Variants in GTF2F2 observed in about 807,000 individuals in gnomAD.
GTF2F2 encodes general transcription factor IIF subunit 2, also known as ATP-dependent helicase GTF2F2.
A neutral mutation model predicts 42.2 loss-of-function variants in GTF2F2; 23 were observed. The observed-to-expected ratio is 0.55, with a 90% CI of 0.39 to 0.77. The LOEUF is 0.77. Ranked by LOEUF, GTF2F2 falls within the 30% of genes least tolerant of loss-of-function variation. The pLI, the probability that GTF2F2 is intolerant of heterozygous loss-of-function variation, is 0.00. For synonymous variants in GTF2F2, 105 were observed against 100.8 expected, an observed-to-expected ratio of 1.04 and a Z score of -0.25; for missense variants, 261 against 287.2, an observed-to-expected ratio of 0.91 and a Z score of 0.66.
chr13:45,282,561 A>G (rs1282001678), intron 7 of GTF2F2, among the ~76,000 whole-genome samples: 6 of 152,124 alleles, frequency 3.9e-5, no homozygotes, highest in Admixed American at 6.6e-5. Context: ...CTAGAGTGCA[A>G]TGGCACAGTC....
intron 6 of GTF2F2, among the ~76,000 whole-genome samples, chr13:45,255,279 A>G (rs897025151): frequency 6.6e-6 from 1 of 152,064 alleles, no homozygotes; most frequent in Non-Finnish European, 1.5e-5. Flanking sequence ...GTTATTTTAT[A>G]TGAAAGTAGC....
chr13:45,150,629 G>A (rs1230995776), intron 3 of GTF2F2, among the ~76,000 whole-genome samples: 1 of 141,874 alleles, frequency 7.0e-6, no homozygotes. Flanking sequence ...CTTGACCTCA[G>A]ACCTCAGAGA....
chr13:45,161,202 G>T (rs1330663998), intron 4 of GTF2F2, among the ~76,000 whole-genome samples: 3 of 152,138 alleles, frequency 2.0e-5, no homozygotes, highest in Non-Finnish European at 4.4e-5. Flanking sequence ...GCCTCAATTT[G>T]TGGTGGTACC....
chr13:45,264,532 A>T (rs551635149), intron 6 of GTF2F2, among the ~76,000 whole-genome samples: 1 of 152,184 alleles, frequency 6.6e-6, no homozygotes, highest in African/African-American at 2.4e-5. Flanking sequence ...GTCCTCCCAA[A>T]GTTGCTGGGA....
chr13:45,280,553 C>T (rs1406696672), intron 7 of GTF2F2, among the ~76,000 whole-genome samples: 1 of 152,062 alleles, frequency 6.6e-6, no homozygotes, highest in African/African-American at 2.4e-5. Flanking sequence ...ACATTGTGAC[C>T]CTGATTGCAT....
intron 5 of GTF2F2, among the ~76,000 whole-genome samples, chr13:45,214,653 T>A (rs1003610065): frequency 2.0e-5 from 3 of 152,184 alleles, no homozygotes; most frequent in African/African-American, 7.2e-5. Context: ...TTGGTAAATA[T>A]AAATATACTT....
chr13:45,259,458 T>C (rs1018501193), intron 6 of GTF2F2, among the ~76,000 whole-genome samples: 24 of 151,768 alleles, frequency 1.6e-4, no homozygotes, highest in African/African-American at 4.8e-4. Context: ...AAAAATACCC[T>C]CAGAAACTGA....
chr13:45,150,798 C>T (rs1268281828), intron 3 of GTF2F2, among the ~76,000 whole-genome samples: 1 of 151,662 alleles, frequency 6.6e-6, no homozygotes, highest in Non-Finnish European at 1.5e-5. Flanking sequence ...CCCACCTCGG[C>T]CTCTCAAGGT....
rs114553403 is a variant in GTF2F2 at position 45,124,145 on chromosome 13, C to T, written c.66+3424C>T. ...GCCAGCCCCAGCATCTAAGGTGGCG[C>T]GATCTCGGCTCACTGCAAGCTCCAC... On this transcript the variant is annotated intron_variant, in intron 1 of 7. Coordinates refer to ENST00000340473, the MANE Select transcript of GTF2F2 (RefSeq NM_004128.3). 6.6e-3 allele frequency: 4,024 copies of T among 608,636 alleles called. 83 individuals are homozygous for T. Among genetic ancestry groups the T allele is most frequent in the African/African-American group, 0.037 (2,050 of 55,166 alleles). 37.7% of individuals were successfully genotyped at this position (608,636 alleles called of 1,614,324 possible). A position where few individuals can be genotyped will look rare whatever the true frequency, so the allele number is the denominator to read the frequency against.
intron 2 of GTF2F2, among the ~76,000 whole-genome samples, chr13:45,142,104 A>G (rs922944958): frequency 2.6e-5 from 4 of 152,234 alleles, no homozygotes; most frequent in African/African-American, 9.7e-5. Context: ...AAACCTCAGT[A>G]GAAGTGAGTT....
intron 4 of GTF2F2, chr13:45,194,760 G>C: frequency 1.7e-6 from 1 of 585,778 alleles, no homozygotes. Flanking sequence ...GCTTTCTGGA[G>C]TAAGACGGAA....
At chr13:45,124,553 T>C (rs1325312015) in intron 1 of GTF2F2, among the ~76,000 whole-genome samples, 1 of 151,758 alleles carries the variant, frequency 6.6e-6, no homozygotes, top group Non-Finnish European at 1.5e-5. Context: ...AGATGGGGTT[T>C]ATTTTGTTTG....
At chr13:45,216,474 G>A (rs1027533516) in intron 5 of GTF2F2, among the ~76,000 whole-genome samples, 2 of 151,948 alleles carry the variant, frequency 1.3e-5, no homozygotes, top group Admixed American at 6.6e-5. Flanking sequence ...TTTTTAATAT[G>A]TGGGGCTGTA....
At chr13:45,122,090 C>CA (rs1868670490) in intron 1 of GTF2F2, among the ~76,000 whole-genome samples, 1 of 152,110 alleles carries the variant, frequency 6.6e-6, no homozygotes, top group African/African-American at 2.4e-5. Flanking sequence ...ATATAATCAG[C>CA]ATGGCGTGTT....
intron 5 of GTF2F2, among the ~76,000 whole-genome samples, chr13:45,211,631 A>T (rs1873647741): frequency 6.7e-6 from 1 of 148,206 alleles, no homozygotes; most frequent in Non-Finnish European, 1.5e-5. Flanking sequence ...CTCGTTGCCC[A>T]GGCTAGAGTG....
intron 5 of GTF2F2, among the ~76,000 whole-genome samples, chr13:45,225,221 G>A (rs1407133138): frequency 1.3e-5 from 2 of 152,092 alleles, no homozygotes; most frequent in Non-Finnish European, 2.9e-5. Context: ...TTAACAAGGA[G>A]GTACAACTTT....
At chr13:45,128,568 G>A (rs533251400) in intron 1 of GTF2F2, among the ~76,000 whole-genome samples, 9 of 150,806 alleles carry the variant, frequency 6.0e-5, no homozygotes, top group South Asian at 2.1e-4. Flanking sequence ...GTGAGACTCC[G>A]TCTCAAAAAA....
chr13:45,230,105 A>G (rs151180985), intron 5 of GTF2F2, among the ~76,000 whole-genome samples: 2,799 of 152,040 alleles, frequency 0.018, 84 homozygotes, highest in African/African-American at 0.06. Context: ...AATCCCAGCT[A>G]CTCTGGAGGC....
chr13:45,149,864 T>G (rs1243366351), intron 3 of GTF2F2, 76 bp downstream of exon 3: 1 of 1,373,548 alleles, frequency 7.3e-7, no homozygotes, highest in East Asian at 2.6e-5. Context: ...AAAAGAGTGT[T>G]TGAATTTTGG....
Sources: allele counts gnomAD v4.1 joint callset (sites outside exome capture counted in the v4.1 genomes callset), GRCh38; gene constraint gnomAD v4.1.1; transcripts MANE v1.5; gene names NCBI Gene and HGNC (gene_info 2026-07-23, HGNC 2026-07-21).